LRRCC1: variants seen among roughly 807,000 people sequenced by gnomAD.
The protein encoded by LRRCC1 is leucine rich repeat and coiled-coil centrosomal protein 1, also known as leucine-rich repeat and coiled-coil domain-containing protein 1.
A neutral mutation model predicts 126.0 loss-of-function variants in LRRCC1; 115 were observed. The observed-to-expected ratio is 0.91, with a 90% CI of 0.78 to 1.07. LRRCC1 has a LOEUF of 1.07. Ranked by LOEUF, LRRCC1 falls within the 50% of genes least tolerant of loss-of-function variation. The pLI, the probability that LRRCC1 is intolerant of heterozygous loss-of-function variation, is 0.00. For synonymous variants in LRRCC1, 400 were observed against 393.4 expected (o/e 1.02, Z -0.20); for missense variants, 1,172 against 1,175.7 (o/e 1.00, Z 0.05).
At chr8:85,121,786 TAA>T (rs1195402241) in intron 6 of LRRCC1, among the ~76,000 whole-genome samples, 1 of 152,158 alleles carries the variant, frequency 6.6e-6, no homozygotes. Context: ...CTGGATGCTC[TAA>T]AAAAAGACTT....
chr8:85,135,916 G>T lies in LRRCC1; in HGVS notation c.2282G>T (p.Gly761Val). The change falls in exon 14 of 19, where the codon GGT (glycine) becomes GTT (valine). Residue 761 changes from glycine (G) to valine (V), a missense_variant. Gly to Val is a moderately radical substitution (Grantham distance 109). Transcript: ENST00000360375. ...ELAAKESLIF[G>V]LRTERKVWGH... ...GCAGCCAAGGAATCACTAATATTTG[G>T]TTTAAGGACAGAAAGAAAAGTATGG... is the stretch of plus-strand genomic sequence containing the variant. 6.2e-7 allele frequency: 1 copy of T among 1,604,590 alleles called. No individual in the cohort carries two copies. The highest frequency in any genetic ancestry group is 8.5e-7 in the Non-Finnish European group (1 of 1,175,376).
chr8:85,142,310 A>G (rs1587452836), intron 18 of LRRCC1, among the ~76,000 whole-genome samples: 1 of 152,162 alleles, frequency 6.6e-6, no homozygotes, highest in Non-Finnish European at 1.5e-5. Context: ...AAAACACCAT[A>G]TTCATGAACT....
Position 85,130,013 on chromosome 8 carries a change from C to G in LRRCC1, c.1721C>G (p.Ala574Gly). Residue 574 changes from alanine (A) to glycine (G), a missense_variant, in exon 11 of 19, where the codon GCG becomes GGG. Transcript: ENST00000360375. Reference protein sequence around the residue: ...RTSLHREREQAQQLHQLLALK... With the variant: ...RTSLHREREQGQQLHQLLALK... ...TCCCTTCATCGAGAAAGAGAACAAG[C>G]GCAACAACTTCATCAACTTCTTGCA... 1 of 1,598,858 alleles carries G rather than the reference C, an allele frequency of 6.3e-7. No individual in the cohort carries two copies. The highest frequency in any genetic ancestry group is 1.1e-5 in the South Asian group (1 of 88,522).
chr8:85,134,769 C>A, intron 12 of LRRCC1, 78 bp from the exon 13 acceptor site: 1 of 879,644 alleles, frequency 1.1e-6, no homozygotes, highest in Non-Finnish European at 1.7e-6. Flanking sequence ...TTTGCTAAAA[C>A]TGTGATACTA....
intron 4 of LRRCC1, among the ~76,000 whole-genome samples, chr8:85,114,289 T>G (rs1375993457): frequency 1.3e-5 from 2 of 151,914 alleles, no homozygotes; most frequent in African/African-American, 2.4e-5. Context: ...TGAATCTTTG[T>G]TTTTCACTTT....
Position 85,113,912 on chromosome 8 carries a change from G to A in LRRCC1, c.544+813G>A, listed in dbSNP as rs1476206138. 7.2e-5 allele frequency among the ~76,000 whole-genome samples: 11 copies of A among 152,184 alleles called. No homozygotes were observed. In the East Asian group the frequency reaches 1.5e-3, roughly 21 times the overall value. On this transcript the variant is annotated intron_variant, in intron 4 of 18. Coordinates refer to ENST00000360375, the MANE Select transcript of LRRCC1 (RefSeq NM_033402.5). ...CTTAACCAAACAATAAGAGAAATGT[G>A]TAGAATGTGAATATACATTCTAAAG...
intron 6 of LRRCC1, among the ~76,000 whole-genome samples, chr8:85,122,907 T>C (rs1809679480): frequency 6.6e-6 from 1 of 152,230 alleles, no homozygotes; most frequent in African/African-American, 2.4e-5. Context: ...TGTTTTTCTC[T>C]TAGGTAGCAG....
Position 85,113,062 on chromosome 8 carries a change from G to C in LRRCC1, c.507G>C (p.Glu169Asp), listed in dbSNP as rs761369783. Residue 169 changes from glutamate (E) to aspartate (D), a missense_variant, in exon 4 of 19, where the codon GAG becomes GAC. Transcript: ENST00000360375. Reference protein sequence around the residue: ...GLHFLTNLILEKDGDDNPVCR... With the variant: ...GLHFLTNLILDKDGDDNPVCR... Reference sequence around the variant, plus strand: ...ACTTCCTGACCAATCTTATTTTGGAGAAAGATGGAGACGATAATCCTGTCT... The same window carrying C: ...ACTTCCTGACCAATCTTATTTTGGACAAAGATGGAGACGATAATCCTGTCT... 1.9e-6 allele frequency: 3 copies of C among 1,612,296 alleles called. No homozygotes were observed. The highest frequency in any genetic ancestry group is 1.7e-6 in the Non-Finnish European group (2 of 1,179,192).
At chr8:85,114,190 C>T (rs1808932903) in intron 4 of LRRCC1, among the ~76,000 whole-genome samples, 1 of 151,700 alleles carries the variant, frequency 6.6e-6, no homozygotes, top group Non-Finnish European at 1.5e-5. Flanking sequence ...ATTTCTAAAG[C>T]CTTGCATTTT....
chr8:85,115,688 G>C (rs1809064610), intron 6 of LRRCC1, 104 bp downstream of exon 6: 1 of 738,878 alleles, frequency 1.4e-6, no homozygotes, highest in African/African-American at 1.8e-5. Flanking sequence ...CTATTTTAGT[G>C]CATCAGTGTT....
At chr8:85,109,837 GA>G (rs1808560848) in intron 2 of LRRCC1, 37 bp downstream of exon 2, 1 of 1,141,132 alleles carries the variant, frequency 8.8e-7, no homozygotes, top group African/African-American at 1.6e-5. Flanking sequence ...TTAGCGTAAG[GA>G]AAATGATTTA....
chr8:85,134,347 A>G (rs961872038), intron 12 of LRRCC1, among the ~76,000 whole-genome samples: 1 of 152,144 alleles, frequency 6.6e-6, no homozygotes, highest in Non-Finnish European at 1.5e-5. Context: ...TGCTAGAGCA[A>G]TATCTGGCCA....
At chr8:85,116,493 C>T (rs972973888) in intron 6 of LRRCC1, among the ~76,000 whole-genome samples, 3 of 152,124 alleles carry the variant, frequency 2.0e-5, no homozygotes, top group African/African-American at 4.8e-5. Context: ...CCACCTCAGC[C>T]TCCTGCGTAG....
At chr8:85,127,298 T>TTTTTGTTTTG (rs71312666) in intron 9 of LRRCC1, among the ~76,000 whole-genome samples, 3 of 151,060 alleles carry the variant, frequency 2.0e-5, no homozygotes, top group Non-Finnish European at 1.5e-5. Flanking sequence ...TTATCTGGGT[T>TTTTTGTTTTG]TTTTGTTTTG....
intron 18 of LRRCC1, among the ~76,000 whole-genome samples, chr8:85,144,440 G>GTATA (rs1280182264): frequency 1.4e-3 from 51 of 37,220 alleles, no homozygotes; most frequent in African/African-American, 4.2e-3. Context: ...GTGTGTGTGT[G>GTATA]TGTGTATATA....
chr8:85,115,171 C>G lies in LRRCC1; in HGVS notation c.616C>G (p.Pro206Ala). The change falls in exon 5 of 19, where the codon CCA becomes GCA. Residue 206 changes from proline to alanine, a missense_variant. By Grantham distance (27) the Pro-to-Ala change is conservative (BLOSUM62 -1). Transcript: ENST00000360375. Reference protein sequence around the residue: ...ILDCKNIFGEPVNLTEINSSQ... With the variant: ...ILDCKNIFGEAVNLTEINSSQ... The stretch of plus-strand genomic sequence containing the variant: ...AGATTGCAAGAACATATTTGGTGAA[C>G]CAGTAAATTTGACAGAAATAAATTC... The G allele has an allele frequency of 6.2e-7, 1 of 1,612,864 alleles. No homozygotes were observed. Among genetic ancestry groups the G allele is most frequent in the Non-Finnish European group, 8.5e-7 (1 of 1,179,250 alleles).
At position 85,129,304 on chromosome 8, in the gene LRRCC1, C is replaced by A; in HGVS notation, c.1551C>A (p.His517Gln). 1 of 1,613,640 alleles carries A rather than the reference C, an allele frequency of 6.2e-7. No homozygotes were observed. ...LMKAKDQQED[H>Q]LKHLRTLEKT... ...AAGCAAAAGATCAACAAGAGGATCACCTTAAACACTTAAGAACCCTCGAAA... is the reference window on the plus strand; with the variant it reads ...AAGCAAAAGATCAACAAGAGGATCAACTTAAACACTTAAGAACCCTCGAAA... The change falls in exon 10 of 19, where the codon CAC (histidine) becomes CAA (glutamine). Residue 517 changes from histidine to glutamine, a missense_variant. Transcript: ENST00000360375.
rs902655446 is a variant in LRRCC1 at position 85,135,101 on chromosome 8, T to C, written c.2154+69T>C. 1.4e-5 allele frequency: 16 copies of C among 1,180,566 alleles called. No individual in the cohort carries two copies. In the African/African-American group the frequency reaches 2.5e-4, roughly 19 times the overall value. 73.1% of individuals were successfully genotyped at this position (1,180,566 alleles called of 1,614,324 possible). A position where few individuals can be genotyped will look rare whatever the true frequency, so the allele number is the denominator to read the frequency against. ...ATTTTCTCAAGTGGGTTGTGATAAA[T>C]TTAGGAAGTACACGAAAGGAACTTT... On this transcript the variant is annotated intron_variant, in intron 13 of 18. Transcript: ENST00000360375.
In LRRCC1 at chr8:85,144,402, ATGTGTGTG is replaced by A. The variant is rs56280153; in HGVS notation, c.2977-969_2977-962del. Among the ~76,000 whole-genome samples the A allele has an allele frequency of 1.5e-3, 204 of 138,110 alleles. 4 individuals carry two copies. In the South Asian group the frequency reaches 0.026, roughly 18 times the overall value. The allele number at this position is 138,110 out of a possible 152,430, so 90.6% of individuals were successfully genotyped here. A position where few individuals can be genotyped will look rare whatever the true frequency, so the allele number is the denominator to read the frequency against. On this transcript the variant is annotated intron_variant, in intron 18 of 18. Transcript: ENST00000360375. ...TTCTAAGCTCTAAAATAGAGTTAAA[ATGTGTGTG>A]TGTGTGTGTGTGTGTGTATGTGTGT...
Sources: allele counts gnomAD v4.1 joint callset (sites outside exome capture counted in the v4.1 genomes callset), GRCh38; gene constraint gnomAD v4.1.1; transcripts MANE v1.5; gene names NCBI Gene and HGNC (gene_info 2026-07-23, HGNC 2026-07-21).